The following ANTXR1 variants were observed in gnomAD, a reference collection of about 807,000 sequenced individuals.
The protein encoded by ANTXR1 is ANTXR cell adhesion molecule 1.
ANTXR1 carries 19 observed loss-of-function variants against 78.1 expected under a neutral mutation model. The ratio of observed to expected loss-of-function variants is 0.24; its 90% CI spans 0.17 to 0.36. The LOEUF is 0.36. Among genes scored for constraint, ANTXR1 ranks in the 10% least tolerant of loss-of-function variants. The pLI is 1.00. For synonymous variants in ANTXR1, 273 were observed against 260.5 expected, an observed-to-expected ratio of 1.05 and a Z score of -0.46; for missense variants, 518 against 718.6, an observed-to-expected ratio of 0.72 and a Z score of 3.19.
chr2:69,198,709 A>G (rs1018569709), intron 17 of ANTXR1, among the ~76,000 whole-genome samples: 1 of 152,200 alleles, frequency 6.6e-6, no homozygotes, highest in African/African-American at 2.4e-5. Flanking sequence ...CTACTTCAAG[A>G]GAACATACAT....
intron 1 of ANTXR1, among the ~76,000 whole-genome samples, chr2:69,029,563 G>GA (rs149867536): frequency 0.025 from 3,686 of 148,464 alleles, 137 homozygotes; most frequent in African/African-American, 0.085. Flanking sequence ...TTCCAACAAA[G>GA]AAAAAAAAAT....
intron 17 of ANTXR1, among the ~76,000 whole-genome samples, chr2:69,237,896 GA>G (rs1366644241): frequency 2.0e-5 from 3 of 152,108 alleles, no homozygotes; most frequent in Non-Finnish European, 4.4e-5. Context: ...ATTTTACATG[GA>G]AAGCCAAAAT....
chr2:69,078,926 G>C (rs1197275756), intron 8 of ANTXR1, among the ~76,000 whole-genome samples: 2 of 152,030 alleles, frequency 1.3e-5, no homozygotes, highest in African/African-American at 4.8e-5. Flanking sequence ...GTTTCAGATG[G>C]ATCCAAGGGA....
intron 1 of ANTXR1, among the ~76,000 whole-genome samples, chr2:69,032,380 A>AC (rs201031541): frequency 1.3e-5 from 2 of 149,996 alleles, no homozygotes; most frequent in East Asian, 1.9e-4. Context: ...CTCTCTACCC[A>AC]CCCCCCCAAA....
chr2:69,189,966 G>A (rs191043905), intron 16 of ANTXR1, among the ~76,000 whole-genome samples: 1 of 152,132 alleles, frequency 6.6e-6, no homozygotes, highest in African/African-American at 2.4e-5. Context: ...GAGAGGACTG[G>A]GCTGAGTATA....
intron 17 of ANTXR1, among the ~76,000 whole-genome samples, chr2:69,204,127 G>C (rs893173668): frequency 3.9e-5 from 6 of 152,148 alleles, no homozygotes; most frequent in Non-Finnish European, 4.4e-5. Flanking sequence ...TCCTCCAGCT[G>C]ATGGCACCAA....
At chr2:69,181,750 G>A (rs763987566) in intron 14 of ANTXR1, 36 bp from the exon 15 acceptor site, 2 of 1,605,970 alleles carry the variant, frequency 1.2e-6, no homozygotes, top group East Asian at 2.2e-5. Context: ...CAGCAGTGCT[G>A]TTTTGCTTCC....
At chr2:69,110,218 G>C (rs764035246) in intron 10 of ANTXR1, among the ~76,000 whole-genome samples, 31 of 152,148 alleles carry the variant, frequency 2.0e-4, no homozygotes, top group African/African-American at 7.0e-4. Context: ...CGTTAGGAAG[G>C]AAATTTTTTA....
At chr2:69,185,551 G>GA (rs75084788) in intron 16 of ANTXR1, among the ~76,000 whole-genome samples, 8,373 of 89,476 alleles carry the variant, frequency 0.094, 250 homozygotes, top group Non-Finnish European at 0.1. Flanking sequence ...AATAAAAAAA[G>GA]AAAAAAAAAA....
At chr2:69,223,117 G>A (rs550956140) in intron 17 of ANTXR1, among the ~76,000 whole-genome samples, 1 of 152,292 alleles carries the variant, frequency 6.6e-6, no homozygotes, top group South Asian at 2.1e-4. Context: ...TCAGCCTCAA[G>A]TCACCTCTAC....
chr2:69,189,169 A>C (rs910502740), intron 16 of ANTXR1, among the ~76,000 whole-genome samples: 2 of 152,220 alleles, frequency 1.3e-5, no homozygotes, highest in Middle Eastern at 3.2e-3. Flanking sequence ...TGGAGAGTTT[A>C]GGTTCATTTG....
At chr2:69,245,015 G>C (rs1384853769) in intron 17 of ANTXR1, among the ~76,000 whole-genome samples, 1 of 152,068 alleles carries the variant, frequency 6.6e-6, no homozygotes, top group Non-Finnish European at 1.5e-5. Flanking sequence ...TAGACTCCAG[G>C]AAAAGATGAA....
chr2:69,220,476 T>C lies in ANTXR1; in HGVS notation c.1435-24749T>C, dbSNP rs144774309. On this transcript the variant is annotated intron_variant, in intron 17 of 17. Transcript: ENST00000303714. ...CAAAGACTTCCAGAGTTTTCCCATG[T>C]ATTGTCAATGGGGCAACAAGGCATT... Among the ~76,000 whole-genome samples the C allele has an allele frequency of 1.4e-3, 219 of 152,350 alleles. 2 individuals carry two copies. Among genetic ancestry groups the C allele is most frequent in the East Asian group, 0.013 (69 of 5,190 alleles).
chr2:69,026,476 A>G (rs1449064790), intron 1 of ANTXR1, among the ~76,000 whole-genome samples: 1 of 152,264 alleles, frequency 6.6e-6, no homozygotes, highest in East Asian at 1.9e-4. Flanking sequence ...GCCCAGCACA[A>G]TGCCTGCTGC....
intron 1 of ANTXR1, among the ~76,000 whole-genome samples, chr2:69,016,956 A>G (rs1354336200): frequency 6.6e-6 from 1 of 152,204 alleles, no homozygotes; most frequent in Non-Finnish European, 1.5e-5. Flanking sequence ...TATGAAGCAC[A>G]TTGGAGACCC....
chr2:69,134,523 A>G (rs1475368220), intron 12 of ANTXR1, among the ~76,000 whole-genome samples: 4 of 152,286 alleles, frequency 2.6e-5, no homozygotes, highest in African/African-American at 9.6e-5. Context: ...TAATGTAATC[A>G]CCATTCATGC....
chr2:69,023,817 G>A (rs550158791), intron 1 of ANTXR1, among the ~76,000 whole-genome samples: 1 of 152,246 alleles, frequency 6.6e-6, no homozygotes, highest in East Asian at 1.9e-4. Flanking sequence ...CATAGAGGAG[G>A]TGACTTTGGA....
At chr2:69,069,537 A>G (rs1393770521) in intron 3 of ANTXR1, among the ~76,000 whole-genome samples, 1 of 152,166 alleles carries the variant, frequency 6.6e-6, no homozygotes, top group Non-Finnish European at 1.5e-5. Flanking sequence ...CCAGGTTCCC[A>G]CTTCCTCTAG....
intron 3 of ANTXR1, among the ~76,000 whole-genome samples, chr2:69,062,281 G>A (rs1489124663): frequency 6.6e-6 from 1 of 152,180 alleles, no homozygotes; most frequent in Non-Finnish European, 1.5e-5. Flanking sequence ...TTCCAAGAAA[G>A]CAGCAGTGGA....
Sources: gnomAD v4.1 joint callset for allele counts (sites outside exome capture counted in the v4.1 genomes callset) on GRCh38, gnomAD v4.1.1 for gene constraint, MANE v1.5 for transcripts, NCBI Gene and HGNC (gene_info 2026-07-23, HGNC 2026-07-21) for gene names.